Variants in DDAH1 observed in about 807,000 individuals in gnomAD.
DDAH1 encodes N(G),N(G)-dimethylarginine dimethylaminohydrolase 1.
In DDAH1, 19 loss-of-function variants were observed where a neutral mutation model predicts 28.8. That is an observed-to-expected ratio of 0.66 (90% CI 0.46 to 0.97). The LOEUF (loss-of-function observed/expected upper bound fraction) is 0.97, where lower values mean the gene tolerates loss of function less well. Among genes scored for constraint, DDAH1 ranks in the 50% least tolerant of loss-of-function variants. The probability of loss-of-function intolerance (pLI) is 0.00; values close to 1 mark genes in which losing one functional copy is unlikely to be tolerated. For missense variants in DDAH1, 326 were observed against 375.9 expected (o/e 0.87, Z 1.10); for synonymous variants, 153 against 154.4 (o/e 0.99, Z 0.07).
chr1:85,521,293 C>A (rs531059756), intron 1 of DDAH1, among the ~76,000 whole-genome samples: 4 of 151,688 alleles, frequency 2.6e-5, no homozygotes, highest in African/African-American at 9.7e-5. Context: ...GCACCTGTGA[C>A]CTGCCTGGTT....
intron 1 of DDAH1, among the ~76,000 whole-genome samples, chr1:85,540,960 TAAAAAAAA>T (rs140965112): frequency 9.4e-6 from 1 of 106,672 alleles, no homozygotes; most frequent in Non-Finnish European, 1.8e-5. Flanking sequence ...ACTCAGTATC[TAAAAAAAA>T]AAAAAAAAAA....
At chr1:85,463,629 C>G (rs1655222214) in intron 1 of DDAH1, among the ~76,000 whole-genome samples, 1 of 152,152 alleles carries the variant, frequency 6.6e-6, no homozygotes, top group African/African-American at 2.4e-5. Flanking sequence ...TTTTCTCAGA[C>G]CATGTGGCAT....
At chr1:85,560,469 G>C (rs939117073) in intron 1 of DDAH1, among the ~76,000 whole-genome samples, 4 of 152,170 alleles carry the variant, frequency 2.6e-5, no homozygotes, top group African/African-American at 9.6e-5. Context: ...TTACAATGAA[G>C]TATGGCGTTT....
At chr1:85,324,710 C>A (rs1250005329) in intron 5 of DDAH1, 30 bp downstream of exon 5, 1 of 1,612,664 alleles carries the variant, frequency 6.2e-7, no homozygotes, top group Non-Finnish European at 8.5e-7. Flanking sequence ...GCTGACCCAG[C>A]TGCAGTGGTC....
chr1:85,353,622 T>C (rs1001089123), intron 2 of DDAH1, among the ~76,000 whole-genome samples: 1 of 152,150 alleles, frequency 6.6e-6, no homozygotes. Context: ...AAAAAAGTAT[T>C]ATGCACTTTA....
chr1:85,418,468 G>A (rs1273943044), intron 1 of DDAH1, among the ~76,000 whole-genome samples: 1 of 152,182 alleles, frequency 6.6e-6, no homozygotes, highest in Non-Finnish European at 1.5e-5. Context: ...GAAGGTAAAA[G>A]ACCATGAATT....
At chr1:85,354,963 A>G (rs1476445515) in intron 2 of DDAH1, among the ~76,000 whole-genome samples, 1 of 152,106 alleles carries the variant, frequency 6.6e-6, no homozygotes. Flanking sequence ...TTCAAGAGAA[A>G]GAGTTCAACC....
intron 2 of DDAH1, among the ~76,000 whole-genome samples, chr1:85,485,069 A>G (rs1458739526): frequency 1.3e-5 from 2 of 152,234 alleles, no homozygotes; most frequent in Admixed American, 1.3e-4. Context: ...ACATTACATC[A>G]GCATGCTATA....
intron 1 of DDAH1, among the ~76,000 whole-genome samples, chr1:85,517,792 C>T (rs1297647724): frequency 2.0e-5 from 3 of 152,154 alleles, no homozygotes; most frequent in African/African-American, 7.2e-5. Flanking sequence ...ATAGCGCCCT[C>T]GGAGAAACGA....
At chr1:85,577,511 G>A (rs955002904) in intron 1 of DDAH1, among the ~76,000 whole-genome samples, 1 of 152,176 alleles carries the variant, frequency 6.6e-6, no homozygotes, top group African/African-American at 2.4e-5. Context: ...AGGCACTCCG[G>A]TCGTCCAGGG....
At chr1:85,473,117 T>C (rs1386243739) in intron 2 of DDAH1, among the ~76,000 whole-genome samples, 2 of 152,240 alleles carry the variant, frequency 1.3e-5, no homozygotes, top group East Asian at 3.8e-4. Flanking sequence ...CTTTATCCAA[T>C]ACATCACTGA....
At chr1:85,454,333 C>T (rs1391932859) in intron 1 of DDAH1, among the ~76,000 whole-genome samples, 1 of 152,204 alleles carries the variant, frequency 6.6e-6, no homozygotes, top group African/African-American at 2.4e-5. Context: ...ATGGACTCAT[C>T]ACTAGTTTGC....
At chr1:85,337,357 G>A (rs774436171) in intron 4 of DDAH1, among the ~76,000 whole-genome samples, 46 of 151,930 alleles carry the variant, frequency 3.0e-4, no homozygotes, top group Non-Finnish European at 5.9e-4. Flanking sequence ...AAAAGTTAAA[G>A]TTCTGTTGGA....
intron 3 of DDAH1, among the ~76,000 whole-genome samples, 162 bp from the exon 4 acceptor site, chr1:85,350,696 G>A (rs764405279): frequency 8.5e-5 from 13 of 152,162 alleles, no homozygotes; most frequent in Non-Finnish European, 1.5e-4. Flanking sequence ...CTAGTTAAAC[G>A]AAGACTGCTT....
chr1:85,516,213 C>T (rs150418406), intron 1 of DDAH1, among the ~76,000 whole-genome samples: 5,780 of 151,986 alleles, frequency 0.038, 132 homozygotes, highest in South Asian at 0.077. Context: ...TACAGTTCAG[C>T]CCATAACACA....
intron 1 of DDAH1, among the ~76,000 whole-genome samples, chr1:85,566,478 C>A (rs766291702): frequency 1.5e-5 from 2 of 136,908 alleles, no homozygotes; most frequent in African/African-American, 5.7e-5. Flanking sequence ...GGTGACAGAG[C>A]GAGACCCCAT....
intron 1 of DDAH1, among the ~76,000 whole-genome samples, chr1:85,562,001 A>G (rs1041979108): frequency 2.0e-5 from 3 of 152,192 alleles, no homozygotes; most frequent in African/African-American, 7.2e-5. Flanking sequence ...AGTTGCTTCT[A>G]ATCCCTCCAA....
rs1557686884 is a variant in DDAH1 at position 85,491,043 on chromosome 1, A to ACTCTTTTTTT, written c.-7+5122_-7+5123insAAAAAAAGAG. ...TCTTCTAATGACAACAGTAACATGT[A>ACTCTTTTTTT]TTCTTTTTTTTTTTTTTTTTTTTGA... On this transcript the variant is annotated intron_variant, in intron 2 of 6. Transcript: ENST00000426972. Among the ~76,000 whole-genome samples, 4 of 79,340 alleles carry ACTCTTTTTTT rather than the reference A, an allele frequency of 5.0e-5. 2 individuals carry two copies. The allele number at this position is 79,340 out of a possible 152,430, so 52.1% of individuals were successfully genotyped here. A position where few individuals can be genotyped will look rare whatever the true frequency, so the allele number is the denominator to read the frequency against.
chr1:85,334,878 T>C (rs1374495958), intron 4 of DDAH1, among the ~76,000 whole-genome samples: 4 of 152,118 alleles, frequency 2.6e-5, no homozygotes, highest in Non-Finnish European at 1.5e-5. Context: ...TGGGATGATA[T>C]ATTCAAAGTG....
Sources: gnomAD v4.1 joint callset for allele counts (sites outside exome capture counted in the v4.1 genomes callset) on GRCh38, gnomAD v4.1.1 for gene constraint, MANE v1.5 for transcripts, NCBI Gene and HGNC (gene_info 2026-07-23, HGNC 2026-07-21) for gene names.